CIAO3: variants seen among roughly 807,000 people sequenced by gnomAD.
The protein encoded by CIAO3 is cytosolic iron-sulfur assembly component 3.
CIAO3 carries 45 observed loss-of-function variants against 51.5 expected under a neutral mutation model. The observed-to-expected ratio is 0.87, with a 90% CI of 0.69 to 1.12. The LOEUF is 1.12. Among genes scored for constraint, CIAO3 ranks in the 50% most tolerant of loss-of-function variants. CIAO3 has a pLI of 0.00. For synonymous variants in CIAO3, 314 were observed against 269.3 expected, an observed-to-expected ratio of 1.17 and a Z score of -1.63; for missense variants, 668 against 632.5, an observed-to-expected ratio of 1.06 and a Z score of -0.60.
In CIAO3 at chr16:736,367, A is replaced by G. The variant is rs769959202; in HGVS notation, c.338T>C (p.Val113Ala). 1.4e-5 allele frequency: 22 copies of G among 1,612,928 alleles called. No individual in the cohort carries two copies. Among genetic ancestry groups the G allele is most frequent in the Non-Finnish European group, 1.8e-5 (21 of 1,179,828 alleles). The change falls in exon 4 of 11, where the codon GTA becomes GCA. Residue 113 changes from valine (V) to alanine (A), a missense_variant. Val to Ala is a moderately conservative substitution (Grantham distance 64, BLOSUM62 0). Coordinates refer to ENST00000251588, the MANE Select transcript of CIAO3 (RefSeq NM_022493.3). The part of the protein sequence containing the change: ...MAAPSQQRLV[V>A]VSVSPQSRAS... ...TCTAGACTGTGGTGAGACCGAAACT[A>G]CAACCAGCCTCTGCTGACTGGGTGC...
chr16:734,526 C>T (rs1388740763), intron 5 of CIAO3, 179 bp from the exon 6 acceptor site: 4 of 952,280 alleles, frequency 4.2e-6, no homozygotes, highest in Non-Finnish European at 6.6e-6. Flanking sequence ...GGCGACACCG[C>T]CTAGGGACCT....
chr16:730,259 G>T lies in CIAO3; in HGVS notation c.*158C>A. The T allele has an allele frequency of 1.4e-6, 1 of 715,314 alleles. No homozygotes were observed. Among genetic ancestry groups the T allele is most frequent in the Non-Finnish European group, 2.3e-6 (1 of 435,042 alleles). The allele number at this position is 715,314 out of a possible 1,614,324, so 44.3% of individuals were successfully genotyped here. ...CCAGAGGCACCCAACTGGAGGTGACGAGGCGGCTGCGGGTCCTGGCTAGTC... is the reference window on the plus strand; with the variant it reads ...CCAGAGGCACCCAACTGGAGGTGACTAGGCGGCTGCGGGTCCTGGCTAGTC... On this transcript the variant is annotated 3_prime_UTR_variant, in exon 11 of 11. Coordinates refer to ENST00000251588, the MANE Select transcript of CIAO3 (RefSeq NM_022493.3).
chr16:738,674 T>C (rs992420781), intron 2 of CIAO3, among the ~76,000 whole-genome samples: 1 of 149,464 alleles, frequency 6.7e-6, no homozygotes, highest in Non-Finnish European at 1.5e-5. Context: ...TTTTTTGAGA[T>C]GGAGTCTCTG....
At chr16:738,353 T>TC (rs1184937002) in intron 2 of CIAO3, 1 of 942,230 alleles carries the variant, frequency 1.1e-6, no homozygotes, top group African/African-American at 1.8e-5. Context: ...TAGTTTCTTT[T>TC]TTTTTTTTTT....
chr16:734,413 A>C (rs2041317188), intron 5 of CIAO3, 66 bp from the exon 6 acceptor site: 1 of 1,191,952 alleles, frequency 8.4e-7, no homozygotes, highest in East Asian at 2.4e-5. Flanking sequence ...CACAGGCAGC[A>C]GCACGACATT....
Position 729,858 on chromosome 16 carries a change from C to T in CIAO3, c.*559G>A. The stretch of plus-strand genomic sequence containing the variant: ...ATGATGCAGCCCGCGATGGCTGCTG[C>T]TTCGTACTTGGCTTGCCCCGGACCA... On this transcript the variant is annotated 3_prime_UTR_variant, in exon 11 of 11. Transcript: ENST00000251588. 1 of 533,638 alleles carries T rather than the reference C, an allele frequency of 1.9e-6. No homozygotes were observed. The highest frequency in any genetic ancestry group is 2.0e-5 in the South Asian group (1 of 49,518). 33.1% of individuals were successfully genotyped at this position (533,638 alleles called of 1,614,324 possible). A position where few individuals can be genotyped will look rare whatever the true frequency, so the allele number is the denominator to read the frequency against.
In CIAO3 at chr16:733,425, G is replaced by A; in HGVS notation, c.696C>T (p.His232=). The part of the protein sequence containing the change: ...LVKDFFAQQQ[H]LTPDKIYHVT... The stretch of plus-strand genomic sequence containing the variant: ...CGTGGTAGATCTTGTCAGGGGTCAA[G>A]TGCTACAAGGAGAAACAAACACTTG... The change falls in exon 7 of 11, where the codon CAC becomes CAT. Residue 232 remains histidine (H), a splice_region_variant and synonymous_variant. Coordinates refer to ENST00000251588, the MANE Select transcript of CIAO3 (RefSeq NM_022493.3). 1.2e-6 allele frequency: 2 copies of A among 1,613,716 alleles called. No homozygotes were observed. Among genetic ancestry groups the A allele is most frequent in the African/African-American group, 2.7e-5 (2 of 75,064 alleles).
At chr16:731,404 C>T (rs2041280835) in intron 9 of CIAO3, 161 bp downstream of exon 9, 9 of 1,055,740 alleles carry the variant, frequency 8.5e-6, no homozygotes, top group East Asian at 2.9e-5. Flanking sequence ...ACCCTGAGCC[C>T]GCCAGGAGGG....
chr16:739,742 G>C lies in CIAO3; in HGVS notation c.67-4C>G. ...CTTTGACAGGCTTGATGCACTCCTA[G>C]AGCAGGAAGAGACCCCAAATCAGCC... On this transcript the variant is annotated splice_region_variant and splice_polypyrimidine_tract_variant and intron_variant, in intron 1 of 10. Coordinates refer to ENST00000251588, the MANE Select transcript of CIAO3 (RefSeq NM_022493.3). 1 of 1,613,396 alleles carries C rather than the reference G, an allele frequency of 6.2e-7. No individual in the cohort carries two copies. Among genetic ancestry groups the C allele is most frequent in the African/African-American group, 1.3e-5 (1 of 75,032 alleles).
intron 1 of CIAO3, chr16:740,675 A>G (rs1360478101): frequency 1.9e-6 from 1 of 531,462 alleles, no homozygotes; most frequent in African/African-American, 2.0e-5. Flanking sequence ...CCGCCCGGAC[A>G]CCATGGGGCA....
At position 739,632 on chromosome 16, in the gene CIAO3, C is replaced by A; in HGVS notation, c.162+11G>T. Reference sequence around the variant, plus strand: ...GCAGGAGAGATGGTGGAGCAGCCTCCTGTGCCTTACTTGGTTAATTTGGAA... The same window carrying A: ...GCAGGAGAGATGGTGGAGCAGCCTCATGTGCCTTACTTGGTTAATTTGGAA... On this transcript the variant is annotated intron_variant, in intron 2 of 10. Transcript: ENST00000251588. 6.2e-7 allele frequency: 1 copy of A among 1,613,260 alleles called. No homozygotes were observed. The highest frequency in any genetic ancestry group is 8.5e-7 in the Non-Finnish European group (1 of 1,179,214).
intron 1 of CIAO3, chr16:740,083 C>T (rs970585383): frequency 5.2e-6 from 7 of 1,342,654 alleles, no homozygotes; most frequent in Non-Finnish European, 6.8e-6. Context: ...CACTGCCCAT[C>T]GAGAGGACGT....
At position 731,702 on chromosome 16, in the gene CIAO3, C is replaced by T; in HGVS notation, c.897G>A (p.Leu299=). 6.4e-7 allele frequency: 1 copy of T among 1,551,346 alleles called. No homozygotes were observed. Among genetic ancestry groups the T allele is most frequent in the Non-Finnish European group, 8.7e-7 (1 of 1,150,722 alleles). The change falls in exon 9 of 11, where the codon CTG becomes CTA. Residue 299 remains leucine (L), a splice_region_variant and synonymous_variant. Transcript: ENST00000251588. The part of the protein sequence containing the change: ...PDLEPAPLDS[L]CSGASAEEPT... ...GCTCCTCTGCAGAGGCACCGCTGCACCTGGCAAGGAGGGAGGGGCCTCAGC... is the reference window on the plus strand; with the variant it reads ...GCTCCTCTGCAGAGGCACCGCTGCATCTGGCAAGGAGGGAGGGGCCTCAGC...
intron 7 of CIAO3, 176 bp downstream of exon 7, chr16:733,122 G>T: frequency 1.3e-6 from 1 of 758,892 alleles, no homozygotes; most frequent in Non-Finnish European, 2.1e-6. Flanking sequence ...CAGGCCAGCT[G>T]CAAATGGGCC....
intron 8 of CIAO3, chr16:732,080 G>C: frequency 3.4e-6 from 2 of 581,008 alleles, no homozygotes; most frequent in Non-Finnish European, 6.1e-6. Context: ...GTTTCACCAT[G>C]TTGGCCGAGC....
At chr16:738,801 C>T (rs1439541965) in intron 2 of CIAO3, among the ~76,000 whole-genome samples, 3 of 150,974 alleles carry the variant, frequency 2.0e-5, no homozygotes, top group Non-Finnish European at 4.4e-5. Flanking sequence ...GCATGCGCCA[C>T]GACACCCAAC....
At position 731,009 on chromosome 16, in the gene CIAO3, C is replaced by G. The variant is rs756119247; in HGVS notation, c.1035-9G>C. 6.2e-7 allele frequency: 1 copy of G among 1,612,346 alleles called. No individual in the cohort carries two copies. Among genetic ancestry groups the G allele is most frequent in the South Asian group, 1.1e-5 (1 of 91,038 alleles). ...CCTGGAAGTCTTTGTTCCTGGGGGG[C>G]ACAGGCGGGGTTTGTCTACATGGCA... On this transcript the variant is annotated splice_polypyrimidine_tract_variant and intron_variant, in intron 9 of 10. Coordinates refer to ENST00000251588, the MANE Select transcript of CIAO3 (RefSeq NM_022493.3).
intron 8 of CIAO3, 122 bp from the exon 9 acceptor site, chr16:731,824 A>G: frequency 7.7e-7 from 1 of 1,299,684 alleles, no homozygotes; most frequent in Non-Finnish European, 1.0e-6. Flanking sequence ...TCACAGACAC[A>G]GAGGAACAGC....
chr16:734,384 G>A (rs117952680), intron 5 of CIAO3, 37 bp from the exon 6 acceptor site: 26,205 of 1,464,708 alleles, frequency 0.018, 361 homozygotes, highest in South Asian at 0.048. Flanking sequence ...TGGCGGGGGC[G>A]CACGGCGGCC....
Sources: gnomAD v4.1 joint callset for allele counts (sites outside exome capture counted in the v4.1 genomes callset) on GRCh38, gnomAD v4.1.1 for gene constraint, MANE v1.5 for transcripts, NCBI Gene and HGNC (gene_info 2026-07-23, HGNC 2026-07-21) for gene names.